The following OSBPL9 variants were observed in gnomAD, a reference collection of about 807,000 sequenced individuals.
OSBPL9 encodes the protein oxysterol binding protein like 9, also known as oxysterol-binding protein-related protein 9.
A neutral mutation model predicts 106.6 loss-of-function variants in OSBPL9; 40 were observed. The observed-to-expected ratio is 0.38, with a 90% confidence interval of 0.29 to 0.49. The LOEUF is 0.49. Among genes scored for constraint, OSBPL9 ranks in the 20% least tolerant of loss-of-function variants. OSBPL9 has a pLI of 0.97. For synonymous variants in OSBPL9, 269 were observed against 295.4 expected (o/e 0.91, Z 0.92); for missense variants, 609 against 887.2 (o/e 0.69, Z 3.98).
chr1:51,580,903 T>C (rs1475456096), intron 1 of OSBPL9, among the ~76,000 whole-genome samples: 15 of 236 alleles, frequency 0.064, no homozygotes, highest in African/African-American at 0.12. Context: ...TATATATATA[T>C]ATATATATAT....
the OSBPL9 span, among the ~76,000 whole-genome samples, chr1:51,562,598 T>C: frequency 6.6e-6 from 1 of 152,292 alleles, no homozygotes; most frequent in African/African-American, 2.4e-5. Flanking sequence ...TTTCCCTTTC[T>C]TTGAGTTAAT....
chr1:51,555,223 G>C, the OSBPL9 span, among the ~76,000 whole-genome samples: 9 of 152,090 alleles, frequency 5.9e-5, no homozygotes, highest in African/African-American at 1.7e-4. Flanking sequence ...TGGGCGCAGT[G>C]GCTCACCCCT....
chr1:51,622,508 C>G (rs767425602), intron 1 of OSBPL9, among the ~76,000 whole-genome samples: 1 of 152,172 alleles, frequency 6.6e-6, no homozygotes, highest in Non-Finnish European at 1.5e-5. Flanking sequence ...TGAGTTCTGG[C>G]TCAGGGTCTC....
intron 1 of OSBPL9, among the ~76,000 whole-genome samples, chr1:51,629,845 A>G (rs1167103610): frequency 6.6e-6 from 1 of 152,036 alleles, no homozygotes; most frequent in African/African-American, 2.4e-5. Flanking sequence ...GCTACTTGGG[A>G]GGCTGAGGCA....
intron 9 of OSBPL9, among the ~76,000 whole-genome samples, chr1:51,757,337 G>A (rs1218171036): frequency 1.3e-5 from 2 of 151,928 alleles, no homozygotes; most frequent in Non-Finnish European, 2.9e-5. Context: ...TAATACAATT[G>A]TATGATATAA....
chr1:51,615,706 C>CT (rs1644036644), upstream of OSBPL9, among the ~76,000 whole-genome samples: 1 of 152,162 alleles, frequency 6.6e-6, no homozygotes. Context: ...CTTTTTAGCT[C>CT]TTTCTCTTGA....
chr1:51,768,390 T>G (rs145603565), intron 12 of OSBPL9, among the ~76,000 whole-genome samples: 5,538 of 151,856 alleles, frequency 0.036, 239 homozygotes, highest in East Asian at 0.11. Context: ...ATTTTTGTAC[T>G]TTTAGTAGAG....
chr1:51,680,389 C>A lies in OSBPL9; in HGVS notation c.241+10877C>A, dbSNP rs116563718. 5.0e-3 allele frequency among the ~76,000 whole-genome samples: 765 copies of A among 152,138 alleles called. 9 individuals carry two copies. Among genetic ancestry groups the A allele is most frequent in the African/African-American group, 0.018 (727 of 41,496 alleles). ...TGATTTTTGGCTAGGGGTGATAGCT[C>A]ACGCCTGTAATCCCAGCACTTTGCA... On this transcript the variant is annotated intron_variant, in intron 3 of 23. Coordinates refer to ENST00000428468, the MANE Select transcript of OSBPL9 (RefSeq NM_024586.6).
intron 1 of OSBPL9, among the ~76,000 whole-genome samples, chr1:51,628,156 A>G (rs1644882449): frequency 6.6e-6 from 1 of 152,160 alleles, no homozygotes; most frequent in Non-Finnish European, 1.5e-5. Context: ...AGAAGGAAGA[A>G]AAGTCACACC....
the OSBPL9 span, among the ~76,000 whole-genome samples, chr1:51,554,525 A>ATATCT: frequency 6.6e-6 from 1 of 152,210 alleles, no homozygotes; most frequent in Non-Finnish European, 1.5e-5. Context: ...GGAAGTAATA[A>ATATCT]TATCTGTCTT....
chr1:51,558,593 ACT>A, the OSBPL9 span, among the ~76,000 whole-genome samples: 2 of 151,798 alleles, frequency 1.3e-5, no homozygotes, highest in East Asian at 3.9e-4. Flanking sequence ...GACAGCTTTG[ACT>A]CTCTGATTTC....
intron 1 of OSBPL9, among the ~76,000 whole-genome samples, chr1:51,623,365 G>A (rs1426631090): frequency 1.3e-5 from 2 of 152,188 alleles, no homozygotes; most frequent in African/African-American, 2.4e-5. Context: ...TGAGGATACA[G>A]TCAGGACGCA....
intron 1 of OSBPL9, among the ~76,000 whole-genome samples, chr1:51,643,274 A>G (rs1469752149): frequency 6.6e-6 from 1 of 152,194 alleles, no homozygotes; most frequent in Non-Finnish European, 1.5e-5. Flanking sequence ...TCAAGCCCAT[A>G]GGATTTTATT....
intron 3 of OSBPL9, among the ~76,000 whole-genome samples, chr1:51,699,326 C>T (rs1656743956): frequency 6.6e-6 from 1 of 151,658 alleles, no homozygotes; most frequent in Non-Finnish European, 1.5e-5. Context: ...CTGTCAGTGC[C>T]CCTCTCCTTC....
intron 1 of OSBPL9, among the ~76,000 whole-genome samples, chr1:51,625,074 T>C (rs901637963): frequency 6.6e-6 from 1 of 152,260 alleles, no homozygotes; most frequent in African/African-American, 2.4e-5. Context: ...CCACAGTTTA[T>C]GTAAAACCTG....
chr1:51,592,557 A>G (rs897508967), intron 1 of OSBPL9, among the ~76,000 whole-genome samples: 3 of 152,204 alleles, frequency 2.0e-5, no homozygotes, highest in Non-Finnish European at 4.4e-5. Context: ...AAAGAAAATA[A>G]GGTAAATAGA....
Position 51,787,737 on chromosome 1 carries a change from G to A in OSBPL9, c.2159G>A (p.Cys720Tyr), listed in dbSNP as rs545389519. 11 of 1,613,658 alleles carry A rather than the reference G, an allele frequency of 6.8e-6. No homozygotes were observed. In the African/African-American group the frequency reaches 1.3e-4, roughly 20 times the overall value. The part of the protein sequence containing the change: ...ETRLFHEDGE[C>Y]WVYDEPLLKR... ...CAGTTATTTCATGAAGATGGAGAAT[G>A]CTGGGTTTATGATGAACCATTACTG... is the stretch of plus-strand genomic sequence containing the variant. The change falls in exon 24 of 24, where the codon TGC becomes TAC. Residue 720 changes from cysteine to tyrosine, a missense_variant. Physicochemically the swap from Cys to Tyr is radical, Grantham distance 194. Transcript: ENST00000428468.
chr1:51,530,176 A>AAAAAAAAAAAAAAAAC, the OSBPL9 span, among the ~76,000 whole-genome samples: 115 of 107,658 alleles, frequency 1.1e-3, 1 homozygote, highest in Non-Finnish European at 2.0e-3. Flanking sequence ...GTCTCAAAAA[A>AAAAAAAAAAAAAAAAC]AAAAAAAAAA....
At chr1:51,597,622 G>A (rs1049629938) in intron 1 of OSBPL9, among the ~76,000 whole-genome samples, 1 of 152,118 alleles carries the variant, frequency 6.6e-6, no homozygotes, top group Non-Finnish European at 1.5e-5. Context: ...AGATCTTTAA[G>A]AGAGAGGAGC....
Sources: allele counts gnomAD v4.1 joint callset (sites outside exome capture counted in the v4.1 genomes callset), GRCh38; gene constraint gnomAD v4.1.1; transcripts MANE v1.5; gene names NCBI Gene and HGNC (gene_info 2026-07-23, HGNC 2026-07-21).